Variants in ADGRB1 observed in about 807,000 individuals in gnomAD.
ADGRB1 encodes brain-specific angiogenesis inhibitor 1.
Under a neutral mutation model 175.7 loss-of-function variants are expected in ADGRB1, and 36 were observed. The ratio of observed to expected loss-of-function variants is 0.20; its 90% CI spans 0.16 to 0.27. ADGRB1 has a LOEUF of 0.27. ADGRB1 is among the 10% of genes least tolerant of loss of function. The pLI, the probability that ADGRB1 is intolerant of heterozygous loss-of-function variation, is 1.00. For missense variants in ADGRB1, 1,731 were observed against 2,255.3 expected (o/e 0.77, Z 4.71); for synonymous variants, 1,054 against 979.4 (o/e 1.08, Z -1.42).
At position 142,518,276 on chromosome 8, in the gene ADGRB1, G is replaced by A. The variant is rs1276088836; in HGVS notation, c.2921+35G>A. ...GCCCAGGTGCTGGGCATGCATGTCT[G>A]TGGCTCCTGCATCACACGCCTCTTC... On this transcript the variant is annotated intron_variant, in intron 19 of 30. Transcript: ENST00000517894. 5 of 1,605,322 alleles carry A rather than the reference G, an allele frequency of 3.1e-6. No homozygotes were observed. The Admixed American group carries it at 5.0e-5, about 16-fold the overall frequency.
At chr8:142,520,129 ATGGTGG>A (rs1231598250) in intron 19 of ADGRB1, among the ~76,000 whole-genome samples, 2 of 101,234 alleles carry the variant, frequency 2.0e-5, no homozygotes, top group East Asian at 3.7e-4. Context: ...TATGATGATG[ATGGTGG>A]TGATGGTGAT....
chr8:142,514,523 G>T (rs1239924539), intron 18 of ADGRB1, among the ~76,000 whole-genome samples: 1 of 152,192 alleles, frequency 6.6e-6, no homozygotes, highest in East Asian at 1.9e-4. Flanking sequence ...AGTCTGGCGT[G>T]TAGTAAACAG....
intron 24 of ADGRB1, among the ~76,000 whole-genome samples, chr8:142,528,683 T>A (rs983137391): frequency 6.6e-6 from 1 of 152,110 alleles, no homozygotes; most frequent in African/African-American, 2.4e-5. Flanking sequence ...AGGCCCACCC[T>A]TGGGGCTCCG....
chr8:142,515,957 T>C (rs1006018531), intron 18 of ADGRB1, among the ~76,000 whole-genome samples: 4 of 152,316 alleles, frequency 2.6e-5, no homozygotes, highest in African/African-American at 9.6e-5. Context: ...CCTGGGGTAG[T>C]TCGAGGGGCC....
intron 21 of ADGRB1, among the ~76,000 whole-genome samples, chr8:142,522,419 C>T (rs1009749014): frequency 1.3e-5 from 2 of 152,214 alleles, no homozygotes; most frequent in African/African-American, 2.4e-5. Context: ...TCAGATGTGC[C>T]GGGCACCCTA....
chr8:142,514,086 G>C (rs1424466388), intron 18 of ADGRB1, among the ~76,000 whole-genome samples: 1 of 152,024 alleles, frequency 6.6e-6, no homozygotes, highest in Non-Finnish European at 1.5e-5. Flanking sequence ...AGAGAGAGGG[G>C]TGCTGCCTAG....
At chr8:142,506,170 T>G (rs1296652472) in intron 17 of ADGRB1, among the ~76,000 whole-genome samples, 1 of 152,040 alleles carries the variant, frequency 6.6e-6, no homozygotes. Context: ...GGCACGGAGG[T>G]CCTTGGCGAC....
rs1424596243 is a variant in ADGRB1, at chr8:142,544,310, C to A, written c.4648C>A (p.Pro1550Thr). Reference sequence around the variant, plus strand: ...CACGTGGGTGAAGAAGGAGCTGGAGCCGCTGCAGCCGTCGCCGCTGGAGCT... The same window carrying A: ...CACGTGGGTGAAGAAGGAGCTGGAGACGCTGCAGCCGTCGCCGCTGGAGCT... ...TPTWVKKELE[P>T]LQPSPLELRS... Residue 1550 changes from proline (P) to threonine (T), a missense_variant, in exon 31 of 31, where the codon CCG (proline) becomes ACG (threonine). Pro to Thr is a conservative substitution (Grantham distance 38). Coordinates refer to ENST00000517894, the MANE Select transcript of ADGRB1 (RefSeq NM_001702.3). 6.5e-7 allele frequency: 1 copy of A among 1,548,998 alleles called. No homozygotes were observed. Among genetic ancestry groups the A allele is most frequent in the Non-Finnish European group, 8.7e-7 (1 of 1,146,452 alleles).
chr8:142,513,272 C>T (rs554097171), intron 18 of ADGRB1, among the ~76,000 whole-genome samples: 12 of 152,182 alleles, frequency 7.9e-5, no homozygotes, highest in African/African-American at 2.9e-4. Context: ...GCCGCAAGGG[C>T]AGACCATGTG....
At chr8:142,487,734 CT>C (rs1269164145) in intron 13 of ADGRB1, among the ~76,000 whole-genome samples, 3 of 152,194 alleles carry the variant, frequency 2.0e-5, no homozygotes, top group African/African-American at 7.2e-5. Context: ...CCATTTGCCC[CT>C]AAACGTGCTG....
intron 1 of ADGRB1, among the ~76,000 whole-genome samples, chr8:142,456,534 CCACT>C (rs1839693727): frequency 6.6e-6 from 1 of 152,186 alleles, no homozygotes; most frequent in Non-Finnish European, 1.5e-5. Flanking sequence ...CACACACACA[CCACT>C]CACACCTGCA....
At chr8:142,508,739 C>A (rs1018858122) in intron 17 of ADGRB1, among the ~76,000 whole-genome samples, 2 of 152,262 alleles carry the variant, frequency 1.3e-5, no homozygotes, top group Non-Finnish European at 2.9e-5. Context: ...ATCCTCTGAG[C>A]CTGACCGTGC....
chr8:142,480,483 G>A (rs900560206), intron 9 of ADGRB1, among the ~76,000 whole-genome samples: 6 of 152,082 alleles, frequency 3.9e-5, no homozygotes, highest in Non-Finnish European at 8.8e-5. Flanking sequence ...CTCCTCCCTC[G>A]CTCTTCTGAT....
chr8:142,485,021 C>T (rs1456945341), intron 13 of ADGRB1, among the ~76,000 whole-genome samples: 1 of 152,198 alleles, frequency 6.6e-6, no homozygotes, highest in Non-Finnish European at 1.5e-5. Flanking sequence ...CATGTACCCA[C>T]CTGGGGCCAG....
chr8:142,516,614 G>C (rs1320224568), intron 18 of ADGRB1, among the ~76,000 whole-genome samples: 1 of 144,954 alleles, frequency 6.9e-6, no homozygotes, highest in Non-Finnish European at 1.5e-5. Flanking sequence ...ACAGGTGTGT[G>C]TGTGTGTGTG....
In ADGRB1 at chr8:142,540,514, G is replaced by T. The variant is rs533577569; in HGVS notation, c.3706+1101G>T. Among the ~76,000 whole-genome samples the T allele has an allele frequency of 1.5e-4, 22 of 150,844 alleles. No individual in the cohort carries two copies. In the East Asian group the frequency reaches 4.1e-3, roughly 28 times the overall value. On this transcript the variant is annotated intron_variant, in intron 27 of 30. Transcript: ENST00000517894. ...CATGAGCAGCTGGTGCTGAGCGCCT[G>T]GGAGCTTCCTCAGAGCGGGAGGGTG... is the stretch of plus-strand genomic sequence containing the variant.
At position 142,522,079 on chromosome 8, in the gene ADGRB1, C is replaced by G; in HGVS notation, c.3139C>G (p.Arg1047Gly). 1 of 1,612,062 alleles carries G rather than the reference C, an allele frequency of 6.2e-7. No homozygotes were observed. The highest frequency in any genetic ancestry group is 1.1e-5 in the South Asian group (1 of 91,062). ...YMAVTGHLRN[R>G]LIRKRFLCLG... ...GGCGGTGACGGGCCACCTCCGGAACCGCCTCATCCGCAAGCGCTTCCTCTG... is the reference window on the plus strand; with the variant it reads ...GGCGGTGACGGGCCACCTCCGGAACGGCCTCATCCGCAAGCGCTTCCTCTG... The change falls in exon 21 of 31, where the codon CGC becomes GGC. Residue 1047 changes from arginine to glycine, a missense_variant. By Grantham distance (125) the Arg-to-Gly change is moderately radical. This residue lies in a region of ADGRB1 where 301 missense variants were observed against 488.4 expected (regional missense o/e 0.62). Transcript: ENST00000517894.
chr8:142,491,333 C>T (rs1175179978), intron 17 of ADGRB1, among the ~76,000 whole-genome samples: 1 of 152,222 alleles, frequency 6.6e-6, no homozygotes, highest in East Asian at 1.9e-4. Context: ...CTGGCCCAGG[C>T]GCTGTGGCAC....
Position 142,449,816 on chromosome 8 carries a change from C to G in ADGRB1, c.-508C>G, listed in dbSNP as rs1482216136. 6.8e-6 allele frequency: 1 copy of G among 146,294 alleles called. No individual in the cohort carries two copies. The highest frequency in any genetic ancestry group is 1.5e-5 in the Non-Finnish European group (1 of 65,754). The allele number at this position is 146,294 out of a possible 1,614,324, so 9.1% of individuals were successfully genotyped here. A position where few individuals can be genotyped will look rare whatever the true frequency, so the allele number is the denominator to read the frequency against. Reference sequence around the variant, plus strand: ...GGCCGCGCCGCGTCCTGGCCCGGCCCGGGCCCGCGCGCCAGCATCGTCCGC... The same window carrying G: ...GGCCGCGCCGCGTCCTGGCCCGGCCGGGGCCCGCGCGCCAGCATCGTCCGC... On this transcript the variant is annotated 5_prime_UTR_variant, in exon 1 of 31. Coordinates refer to ENST00000517894, the MANE Select transcript of ADGRB1 (RefSeq NM_001702.3).
Sources: gnomAD v4.1 joint callset for allele counts (sites outside exome capture counted in the v4.1 genomes callset) on GRCh38, gnomAD v4.1.1 for gene constraint, gnomAD v4.1.1 regional missense constraint, MANE v1.5 for transcripts, NCBI Gene and HGNC (gene_info 2026-07-23, HGNC 2026-07-21) for gene names.